Variants in KLHL13 observed in about 807,000 individuals in gnomAD.
KLHL13 encodes kelch-like protein 13.
In KLHL13, 10 loss-of-function variants were observed where a neutral mutation model predicts 37.1. The ratio of observed to expected loss-of-function variants is 0.27; its 90% CI spans 0.17 to 0.46. KLHL13 has a LOEUF of 0.46. KLHL13 is among the 20% of genes least tolerant of loss of function. KLHL13 has a pLI of 1.00. For missense variants in KLHL13, 360 were observed against 509.3 expected (o/e 0.71, Z 2.82); for synonymous variants, 163 against 181.2 (o/e 0.90, Z 0.81).
intron 2 of KLHL13, among the ~76,000 whole-genome samples, chrX:117,939,280 A>C (rs756189600): frequency 2.0e-4 from 22 of 111,642 alleles, no homozygotes; most frequent in Non-Finnish European, 3.6e-4. Context: ...TCATCCTTTT[A>C]ATGGCTACAT....
At chrX:117,959,203 C>T (rs767897315) in intron 1 of KLHL13, among the ~76,000 whole-genome samples, 1 of 111,956 alleles carries the variant, frequency 8.9e-6, no homozygotes, top group Non-Finnish European at 1.9e-5. Flanking sequence ...TCCAGTTTCA[C>T]GAACTTTGTT....
intron 2 of KLHL13, among the ~76,000 whole-genome samples, chrX:117,940,097 C>G (rs910385061): frequency 7.1e-5 from 8 of 111,900 alleles, no homozygotes; most frequent in Admixed American, 6.7e-4. Context: ...AGTCTTTAAT[C>G]CATCTTAAGT....
intron 1 of KLHL13, among the ~76,000 whole-genome samples, chrX:118,011,319 T>C (rs1290999864): frequency 9.2e-6 from 1 of 108,613 alleles, no homozygotes. Flanking sequence ...CCTGGTGAGG[T>C]AGACAGGAGC....
intron 1 of KLHL13, among the ~76,000 whole-genome samples, chrX:118,093,562 T>C (rs933023605): frequency 9.8e-5 from 11 of 112,156 alleles, no homozygotes; most frequent in African/African-American, 3.2e-4. Flanking sequence ...CTGATGTATA[T>C]TGAACGATTC....
At chrX:118,081,494 G>C (rs1602707792) in intron 1 of KLHL13, among the ~76,000 whole-genome samples, 1 of 110,763 alleles carries the variant, frequency 9.0e-6, no homozygotes, top group East Asian at 2.8e-4. Context: ...CATATTTTTG[G>C]GGTGCACATA....
intron 1 of KLHL13, among the ~76,000 whole-genome samples, chrX:117,993,751 T>A (rs1342766006): frequency 2.7e-5 from 3 of 109,700 alleles, no homozygotes; most frequent in Non-Finnish European, 3.8e-5. Context: ...TTTTTTTTTT[T>A]TTTAGTTGGA....
intron 1 of KLHL13, among the ~76,000 whole-genome samples, chrX:118,101,174 T>A (rs2055283533): frequency 8.9e-6 from 1 of 112,047 alleles, no homozygotes; most frequent in Non-Finnish European, 1.9e-5. Context: ...TCAAATTATT[T>A]TATTTTATCA....
rs60645250 is a variant in KLHL13, at chrX:118,104,048, T to TAAAAAAAAAA, written c.-56+12450_-56+12459dup. Among the ~76,000 whole-genome samples the TAAAAAAAAAA allele has an allele frequency of 4.0e-4, 17 of 42,575 alleles. 1 individual carries two copies. The highest frequency in any genetic ancestry group is 1.5e-3 in the African/African-American group (17 of 11,190). 37.0% of individuals were successfully genotyped at this position (42,575 alleles called of 115,157 possible). A position where few individuals can be genotyped will look rare whatever the true frequency, so the allele number is the denominator to read the frequency against. On this transcript the variant is annotated intron_variant, in intron 1 of 6. Transcript: ENST00000371882. ...CAACATACCGAGGCCTCATTTCCACTAAAAAAAAAAAAAAAAAAAAAAAAA... is the reference window on the plus strand; with the variant it reads ...CAACATACCGAGGCCTCATTTCCACTAAAAAAAAAAAAAAAAAAAAAAAAAAAAAAAAAAA...
At chrX:117,988,344 T>C (rs12015085) in intron 1 of KLHL13, among the ~76,000 whole-genome samples, 20,499 of 110,969 alleles carry the variant, frequency 0.18, 2,730 homozygotes, top group African/African-American at 0.48. Context: ...AATACCATTG[T>C]GTTATCTCAT....
In KLHL13 at chrX:117,905,505, G is replaced by GCACACACACA. The variant is rs34703680; in HGVS notation, c.1367-3569_1367-3560dup. On this transcript the variant is annotated intron_variant, in intron 5 of 6. Transcript: ENST00000262820. ...CAGGTGAGCACGTGTGCTAGTGCGT[G>GCACACACACA]CACACACACACACACACACACACAC... 3.0e-3 allele frequency among the ~76,000 whole-genome samples: 306 copies of GCACACACACA among 103,268 alleles called. 1 individual carries two copies. The highest frequency in any genetic ancestry group is 0.01 in the Middle Eastern group (2 of 199). The allele number at this position is 103,268 out of a possible 115,157, so 89.7% of individuals were successfully genotyped here.
chrX:118,038,403 T>G (rs1234838465), intron 1 of KLHL13, among the ~76,000 whole-genome samples: 3 of 111,882 alleles, frequency 2.7e-5, no homozygotes, highest in Admixed American at 1.9e-4. Context: ...CCCTGAAGAT[T>G]GTAGGATATA....
intron 1 of KLHL13, among the ~76,000 whole-genome samples, chrX:118,061,243 T>A (rs965963904): frequency 8.9e-6 from 1 of 111,851 alleles, no homozygotes; most frequent in African/African-American, 3.2e-5. Context: ...CCAATGCCCC[T>A]GAGGAGCATT....
intron 1 of KLHL13, among the ~76,000 whole-genome samples, chrX:118,102,157 A>C (rs1455485404): frequency 9.0e-6 from 1 of 111,570 alleles, no homozygotes; most frequent in African/African-American, 3.3e-5. Flanking sequence ...AGAAGTCTTA[A>C]TTTTTACCAT....
chrX:118,028,038 A>G (rs888027026), intron 1 of KLHL13, among the ~76,000 whole-genome samples: 3 of 111,964 alleles, frequency 2.7e-5, no homozygotes, highest in Non-Finnish European at 5.6e-5. Flanking sequence ...AATAATATAA[A>G]TATATACAAT....
At chrX:118,069,932 C>T (rs1156382365) in intron 1 of KLHL13, among the ~76,000 whole-genome samples, 3 of 112,213 alleles carry the variant, frequency 2.7e-5, no homozygotes, top group African/African-American at 9.7e-5. Flanking sequence ...GATAAATGCC[C>T]TATGCAGGTG....
intron 5 of KLHL13, among the ~76,000 whole-genome samples, chrX:117,902,749 A>G (rs1259433420): frequency 2.7e-5 from 3 of 111,381 alleles, no homozygotes; most frequent in African/African-American, 9.8e-5. Context: ...TAAAAGGCAG[A>G]GAAGCTGTTA....
chrX:117,932,122 A>T (rs111534347), intron 2 of KLHL13, among the ~76,000 whole-genome samples: 18,674 of 110,825 alleles, frequency 0.17, 2,185 homozygotes, highest in African/African-American at 0.42. Flanking sequence ...AGTATAATGA[A>T]CAAATCAGGG....
intron 1 of KLHL13, among the ~76,000 whole-genome samples, chrX:117,950,849 A>G (rs1279614240): frequency 8.9e-6 from 1 of 112,720 alleles, no homozygotes; most frequent in African/African-American, 3.2e-5. Flanking sequence ...CATTTGCTAA[A>G]TGAAACATTT....
exon 1 of KLHL13, chrX:117,973,328 T>C: frequency 1.0e-6 from 1 of 971,142 alleles, no homozygotes; most frequent in Non-Finnish European, 1.3e-6. Context: ...AATACACTTG[T>C]CATCCTCTGA....
Sources: gnomAD v4.1 joint callset for allele counts (sites outside exome capture counted in the v4.1 genomes callset) on GRCh38, gnomAD v4.1.1 for gene constraint, MANE v1.5 for transcripts, NCBI Gene and HGNC (gene_info 2026-07-23, HGNC 2026-07-21) for gene names.